Variants in ROBO1 observed in about 807,000 individuals in gnomAD.
ROBO1 encodes the protein roundabout homolog 1.
In ROBO1, 149 loss-of-function variants were observed where a neutral mutation model predicts 195.9. That is an observed-to-expected ratio of 0.76 (90% CI 0.67 to 0.87). The LOEUF (loss-of-function observed/expected upper bound fraction) is 0.87. Ranked by LOEUF, ROBO1 falls within the 40% of genes least tolerant of loss-of-function variation. The pLI, the probability that ROBO1 is intolerant of heterozygous loss-of-function variation, is 0.00. For missense variants in ROBO1, 1,933 were observed against 2,068.3 expected, an observed-to-expected ratio of 0.93 and a Z score of 1.27; for synonymous variants, 816 against 733.2, an observed-to-expected ratio of 1.11 and a Z score of -1.82.
At chr3:79,761,302 T>C (rs1704685272) in intron 1 of ROBO1, among the ~76,000 whole-genome samples, 1 of 151,460 alleles carries the variant, frequency 6.6e-6, no homozygotes, top group Non-Finnish European at 1.5e-5. Context: ...TTTAGGCTAA[T>C]ATTTTATTTA....
intron 2 of ROBO1, among the ~76,000 whole-genome samples, chr3:79,399,289 C>T (rs914448010): frequency 5.9e-5 from 9 of 152,120 alleles, no homozygotes; most frequent in Non-Finnish European, 4.4e-5. Flanking sequence ...CTTCCCATTC[C>T]ATCCAGATTA....
At chr3:79,166,767 C>T (rs549563156) in intron 2 of ROBO1, among the ~76,000 whole-genome samples, 40 of 152,064 alleles carry the variant, frequency 2.6e-4, no homozygotes, top group African/African-American at 9.2e-4. Flanking sequence ...CGGGGTTTCA[C>T]CAAGTTAGCC....
chr3:79,142,913 C>T (rs924308631), intron 2 of ROBO1, among the ~76,000 whole-genome samples: 12 of 152,072 alleles, frequency 7.9e-5, no homozygotes, highest in Admixed American at 3.9e-4. Flanking sequence ...ATATTTGCAA[C>T]CCTTGTAAAT....
intron 3 of ROBO1, among the ~76,000 whole-genome samples, chr3:79,077,247 T>G (rs2079189963): frequency 6.6e-6 from 1 of 151,928 alleles, no homozygotes; most frequent in African/African-American, 2.4e-5. Context: ...TCTACTTCTA[T>G]GTATACAATA....
intron 1 of ROBO1, among the ~76,000 whole-genome samples, chr3:79,596,509 T>A (rs1432683554): frequency 2.0e-5 from 3 of 151,986 alleles, no homozygotes; most frequent in Non-Finnish European, 4.4e-5. Context: ...CATGGAAGGC[T>A]TTTGTGTAAA....
chr3:79,430,797 T>A (rs1575816157), intron 2 of ROBO1, among the ~76,000 whole-genome samples: 1 of 152,284 alleles, frequency 6.6e-6, no homozygotes, highest in East Asian at 1.9e-4. Flanking sequence ...CATCCCAATG[T>A]CTTATTCAGT....
intron 3 of ROBO1, among the ~76,000 whole-genome samples, chr3:78,985,482 C>G (rs2077085992): frequency 6.6e-6 from 1 of 152,032 alleles, no homozygotes; most frequent in South Asian, 2.1e-4. Flanking sequence ...GGATTTTAGA[C>G]TGCACGAGGG....
chr3:78,637,243 A>G (rs1705578728), intron 22 of ROBO1, among the ~76,000 whole-genome samples: 1 of 152,086 alleles, frequency 6.6e-6, no homozygotes, highest in African/African-American at 2.4e-5. Flanking sequence ...TCTCTATCCT[A>G]CTGAATTCAA....
At chr3:79,168,078 T>G (rs1212391642) in intron 2 of ROBO1, among the ~76,000 whole-genome samples, 1 of 152,206 alleles carries the variant, frequency 6.6e-6, no homozygotes, top group East Asian at 1.9e-4. Flanking sequence ...TACTTTAATA[T>G]AGATTCAGGC....
intron 3 of ROBO1, among the ~76,000 whole-genome samples, chr3:78,984,432 A>G (rs933431388): frequency 6.6e-6 from 1 of 152,208 alleles, no homozygotes; most frequent in Non-Finnish European, 1.5e-5. Context: ...TTGTTTCAAT[A>G]AACATCAGGT....
chr3:79,282,174 A>G (rs980557094), intron 2 of ROBO1, among the ~76,000 whole-genome samples: 1 of 152,204 alleles, frequency 6.6e-6, no homozygotes, highest in East Asian at 1.9e-4. Context: ...AGACCAACAT[A>G]GTTATTTAGA....
intron 2 of ROBO1, among the ~76,000 whole-genome samples, chr3:79,146,235 A>G (rs534775283): frequency 3.9e-5 from 6 of 152,094 alleles, no homozygotes; most frequent in Non-Finnish European, 7.4e-5. Context: ...TTCACCTGTC[A>G]TCACTCACCG....
Position 79,000,414 on chromosome 3 carries a change from C to T in ROBO1, c.173-61487G>A, listed in dbSNP as rs141816750. Reference sequence around the variant, plus strand: ...TAGTTTCTTTTGCTGAGCAGAAGCTCTTTAATTAGATCCCATTTATCAAAC... The same window carrying T: ...TAGTTTCTTTTGCTGAGCAGAAGCTTTTTAATTAGATCCCATTTATCAAAC... On this transcript the variant is annotated intron_variant, in intron 3 of 30. Transcript: ENST00000464233. 4.9e-3 allele frequency among the ~76,000 whole-genome samples: 748 copies of T among 152,084 alleles called. 14 individuals are homozygous for T. Among genetic ancestry groups the T allele is most frequent in the East Asian group, 0.036 (186 of 5,162 alleles).
intron 2 of ROBO1, among the ~76,000 whole-genome samples, chr3:79,445,671 T>G (rs550647097): frequency 6.6e-6 from 1 of 150,584 alleles, no homozygotes; most frequent in South Asian, 2.1e-4. Flanking sequence ...AATTTTTTTT[T>G]TTTTTTTTGA....
intron 2 of ROBO1, among the ~76,000 whole-genome samples, chr3:79,417,293 T>C (rs1036959074): frequency 6.6e-6 from 1 of 152,140 alleles, no homozygotes; most frequent in Non-Finnish European, 1.5e-5. Flanking sequence ...TGTTGCAGCC[T>C]GTGGAGAGGC....
chr3:78,984,485 T>C (rs1026832112), intron 3 of ROBO1, among the ~76,000 whole-genome samples: 4 of 152,152 alleles, frequency 2.6e-5, no homozygotes, highest in African/African-American at 9.7e-5. Context: ...AAATAATCAA[T>C]AATACTTACA....
intron 2 of ROBO1, among the ~76,000 whole-genome samples, chr3:79,484,533 C>T (rs1013119139): frequency 5.9e-5 from 9 of 151,564 alleles, no homozygotes; most frequent in Admixed American, 2.0e-4. Context: ...GGTGATAAAA[C>T]GATTGAAATA....
At chr3:79,244,076 C>T (rs1465897922) in intron 2 of ROBO1, among the ~76,000 whole-genome samples, 2 of 152,130 alleles carry the variant, frequency 1.3e-5, no homozygotes, top group African/African-American at 2.4e-5. Flanking sequence ...TCTTTTGGTT[C>T]TACCAGCAAT....
chr3:78,942,216 C>T (rs977471442), intron 3 of ROBO1, among the ~76,000 whole-genome samples: 12 of 151,936 alleles, frequency 7.9e-5, no homozygotes, highest in African/African-American at 2.9e-4. Context: ...GCAATGATCA[C>T]CTGGGCCTGG....
Sources: gnomAD v4.1 joint callset for allele counts (sites outside exome capture counted in the v4.1 genomes callset) on GRCh38, gnomAD v4.1.1 for gene constraint, MANE v1.5 for transcripts, NCBI Gene and HGNC (gene_info 2026-07-23, HGNC 2026-07-21) for gene names.